The following CCDC178 variants were observed in gnomAD, a reference collection of about 807,000 sequenced individuals.
CCDC178 encodes coiled-coil domain containing 178, also known as coiled-coil domain-containing protein 178.
Under a neutral mutation model 117.4 loss-of-function variants are expected in CCDC178, and 126 were observed. That is an observed-to-expected ratio of 1.07 (90% CI 0.93 to 1.24). The LOEUF (loss-of-function observed/expected upper bound fraction) is 1.24. Ranked by LOEUF, CCDC178 falls within the 50% of genes most tolerant of loss-of-function variation. The pLI, the probability that CCDC178 is intolerant of heterozygous loss-of-function variation, is 0.00. For missense variants in CCDC178, 1,030 were observed against 986.9 expected (o/e 1.04, Z -0.59); for synonymous variants, 283 against 313.4 (o/e 0.90, Z 1.02).
chr18:33,261,181 T>C (rs1358884997), intron 14 of CCDC178, among the ~76,000 whole-genome samples: 1 of 152,190 alleles, frequency 6.6e-6, no homozygotes, highest in Admixed American at 6.5e-5. Context: ...CCTCCTGGGT[T>C]CACGCCATTC....
chr18:33,415,299 C>T (rs1390471974), intron 2 of CCDC178, among the ~76,000 whole-genome samples: 1 of 152,122 alleles, frequency 6.6e-6, no homozygotes, highest in Non-Finnish European at 1.5e-5. Flanking sequence ...TTGGAACCAA[C>T]CCAAATGTCG....
chr18:33,201,339 T>C (rs1485510809), intron 20 of CCDC178, among the ~76,000 whole-genome samples: 2 of 152,214 alleles, frequency 1.3e-5, no homozygotes, highest in East Asian at 3.8e-4. Flanking sequence ...GCTTCCCCTT[T>C]CCATGTACTT....
chr18:33,088,448 CTTTGA>C lies in CCDC178; in HGVS notation c.2388+4308_2388+4312del, dbSNP rs781317916. On this transcript the variant is annotated intron_variant, in intron 21 of 22. Transcript: ENST00000383096. Reference sequence around the variant, plus strand: ...ATATCTCTCCATCTATTTAGATCTTCTTTGATTTATTTCTTTCATTCATTTTGTGC... The same window carrying C: ...ATATCTCTCCATCTATTTAGATCTTCTTTATTTCTTTCATTCATTTTGTGC... Among the ~76,000 whole-genome samples the C allele has an allele frequency of 5.3e-5, 8 of 152,052 alleles. No individual in the cohort carries two copies. In the East Asian group the frequency reaches 1.5e-3, roughly 29 times the overall value.
intron 21 of CCDC178, chr18:32,983,218 G>A: frequency 3.2e-6 from 3 of 938,622 alleles, no homozygotes; most frequent in Non-Finnish European, 3.3e-6. Flanking sequence ...TGTGACACTT[G>A]TTAGAGGTTA....
At chr18:33,392,135 C>T (rs1472424923) in intron 4 of CCDC178, among the ~76,000 whole-genome samples, 1 of 151,838 alleles carries the variant, frequency 6.6e-6, no homozygotes, top group Non-Finnish European at 1.5e-5. Flanking sequence ...AAAGTGCTGG[C>T]ATTGCAGGCA....
At chr18:33,176,391 C>T (rs1044523929) in intron 20 of CCDC178, among the ~76,000 whole-genome samples, 1 of 152,120 alleles carries the variant, frequency 6.6e-6, no homozygotes, top group Admixed American at 6.6e-5. Context: ...CATTTTGTAA[C>T]TATAATATTT....
chr18:33,222,233 T>C (rs2059244133), intron 18 of CCDC178, among the ~76,000 whole-genome samples: 1 of 151,064 alleles, frequency 6.6e-6, no homozygotes, highest in African/African-American at 2.4e-5. Context: ...CCTTCCTTTC[T>C]TCCTTCCTTC....
chr18:33,241,584 A>G (rs528637544), intron 15 of CCDC178, among the ~76,000 whole-genome samples: 2 of 151,670 alleles, frequency 1.3e-5, no homozygotes, highest in African/African-American at 4.8e-5. Flanking sequence ...GAACTAGCTG[A>G]AAAAAATAAG....
chr18:33,039,657 G>C (rs151019081), intron 21 of CCDC178, among the ~76,000 whole-genome samples: 39 of 152,100 alleles, frequency 2.6e-4, no homozygotes, highest in African/African-American at 8.9e-4. Flanking sequence ...AGTGAAACTT[G>C]AATAGCAATT....
chr18:33,217,974 C>T (rs2059186649), intron 18 of CCDC178, among the ~76,000 whole-genome samples: 1 of 152,014 alleles, frequency 6.6e-6, no homozygotes, highest in African/African-American at 2.4e-5. Flanking sequence ...ATAGGCTTAT[C>T]ATGAAAATGA....
intron 17 of CCDC178, among the ~76,000 whole-genome samples, chr18:33,223,882 C>T (rs1179186305): frequency 6.6e-6 from 1 of 151,924 alleles, no homozygotes; most frequent in African/African-American, 2.4e-5. Context: ...ATTTAGAAAC[C>T]CTAAATACAG....
At chr18:33,355,760 G>A (rs1388967893) in intron 7 of CCDC178, among the ~76,000 whole-genome samples, 1 of 152,162 alleles carries the variant, frequency 6.6e-6, no homozygotes, top group Admixed American at 6.5e-5. Context: ...AACACTGCCT[G>A]TAAGTAGCCC....
chr18:33,251,523 A>C (rs914438496), intron 14 of CCDC178, among the ~76,000 whole-genome samples: 4 of 151,754 alleles, frequency 2.6e-5, no homozygotes, highest in Admixed American at 2.6e-4. Flanking sequence ...CTGCTAATGA[A>C]GCTTAAACAT....
chr18:32,974,376 T>C (rs973204072), intron 22 of CCDC178, among the ~76,000 whole-genome samples, 171 bp downstream of exon 22: 33 of 152,180 alleles, frequency 2.2e-4, no homozygotes, highest in African/African-American at 7.5e-4. Flanking sequence ...GTATGCATGG[T>C]ATATGTGCTA....
intron 21 of CCDC178, among the ~76,000 whole-genome samples, chr18:33,063,037 C>A (rs544450818): frequency 6.6e-6 from 1 of 152,294 alleles, no homozygotes; most frequent in Admixed American, 6.5e-5. Context: ...CTGACAGAAA[C>A]ACAACCCCTT....
chr18:33,217,443 A>G (rs761765683), intron 18 of CCDC178, among the ~76,000 whole-genome samples: 21 of 147,484 alleles, frequency 1.4e-4, no homozygotes, highest in Non-Finnish European at 2.9e-4. Context: ...CACTGTGTAT[A>G]TAATTATACC....
At chr18:33,234,837 A>G (rs2059409363) in intron 15 of CCDC178, among the ~76,000 whole-genome samples, 1 of 152,166 alleles carries the variant, frequency 6.6e-6, no homozygotes, top group Non-Finnish European at 1.5e-5. Flanking sequence ...TCGACATGCT[A>G]TAAGGCATAA....
intron 20 of CCDC178, among the ~76,000 whole-genome samples, chr18:33,150,495 C>T (rs1392928695): frequency 3.9e-5 from 6 of 152,112 alleles, no homozygotes; most frequent in Non-Finnish European, 8.8e-5. Flanking sequence ...TGAGAAAGGA[C>T]TAATATCCGG....
intron 3 of CCDC178, among the ~76,000 whole-genome samples, chr18:33,408,731 G>A (rs1052810344): frequency 6.6e-6 from 1 of 152,040 alleles, no homozygotes; most frequent in African/African-American, 2.4e-5. Flanking sequence ...TTCTCTGCCT[G>A]TTATACAGAA....
Sources: allele counts gnomAD v4.1 joint callset (sites outside exome capture counted in the v4.1 genomes callset), GRCh38; gene constraint gnomAD v4.1.1; transcripts MANE v1.5; gene names NCBI Gene and HGNC (gene_info 2026-07-23, HGNC 2026-07-21).